The following PRSS23 variants were observed in gnomAD, a reference collection of about 807,000 sequenced individuals.
The protein encoded by PRSS23 is serine protease 23.
In PRSS23, 25 loss-of-function variants were observed where a neutral mutation model predicts 34.7. The ratio of observed to expected loss-of-function variants is 0.72; its 90% CI spans 0.53 to 1.01. PRSS23 has a LOEUF of 1.01. Among genes scored for constraint, PRSS23 ranks in the 50% least tolerant of loss-of-function variants. PRSS23 has a pLI of 0.00. For synonymous variants in PRSS23, 176 were observed against 186.6 expected (o/e 0.94, Z 0.46); for missense variants, 445 against 475.6 (o/e 0.94, Z 0.60).
At chr11:86,877,359 T>C (rs982151364) in intron 2 of PRSS23, among the ~76,000 whole-genome samples, 2 of 152,234 alleles carry the variant, frequency 1.3e-5, no homozygotes, top group South Asian at 4.1e-4. Flanking sequence ...CCTTTTCTTC[T>C]TACACGGTTC....
At chr11:86,826,972 T>TG (rs1403678579) in intron 2 of PRSS23, among the ~76,000 whole-genome samples, 3 of 152,172 alleles carry the variant, frequency 2.0e-5, no homozygotes, top group Non-Finnish European at 4.4e-5. Flanking sequence ...GTTGTGTCTC[T>TG]GCCCAGCTTT....
chr11:86,910,282 T>C (rs1326045374), intron 2 of PRSS23: 1 of 152,194 alleles, frequency 6.6e-6, no homozygotes, highest in Non-Finnish European at 1.5e-5. Context: ...AGATGATAGA[T>C]GCTGGAAGAT....
chr11:86,826,600 G>T (rs1005278727), intron 2 of PRSS23, among the ~76,000 whole-genome samples: 3 of 152,168 alleles, frequency 2.0e-5, no homozygotes, highest in African/African-American at 7.2e-5. Context: ...TCCAATTTCT[G>T]CCCATTCAGT....
rs1488175466 is a variant in PRSS23 at position 86,809,618 on chromosome 11, A to G, written c.*823A>G. 6.0e-6 allele frequency: 1 copy of G among 167,040 alleles called. No individual in the cohort carries two copies. Among genetic ancestry groups the G allele is most frequent in the Non-Finnish European group, 1.5e-5 (1 of 68,114 alleles). 10.3% of individuals were successfully genotyped at this position (167,040 alleles called of 1,614,324 possible). On this transcript the variant is annotated 3_prime_UTR_variant, in exon 2 of 2. Coordinates refer to ENST00000280258, the MANE Select transcript of PRSS23 (RefSeq NM_007173.6). ...ACTAGCTATTTTTCAGAAGACAATA[A>G]TCAGGGCTTAATTAGAACAGGCTGT...
chr11:86,819,413 G>A (rs1338690520), intron 1 of PRSS23, among the ~76,000 whole-genome samples: 1 of 152,046 alleles, frequency 6.6e-6, no homozygotes, highest in African/African-American at 2.4e-5. Context: ...CACCTACACT[G>A]CTATATATAA....
At chr11:86,876,121 G>A (rs553684597) in intron 2 of PRSS23, among the ~76,000 whole-genome samples, 73 of 152,260 alleles carry the variant, frequency 4.8e-4, no homozygotes, top group African/African-American at 1.3e-3. Context: ...GAAAGACTGA[G>A]TGTGAGAATT....
At position 86,929,335 on chromosome 11, in the gene PRSS23, C is replaced by CA. The variant is rs1190134043; in HGVS notation, c.207-21870dup. Among the ~76,000 whole-genome samples, 1,214 of 133,042 alleles carry CA rather than the reference C, an allele frequency of 9.1e-3. 10 individuals are homozygous for CA. Among genetic ancestry groups the CA allele is most frequent in the Non-Finnish European group, 0.014 (844 of 61,564 alleles). 87.3% of individuals were successfully genotyped at this position (133,042 alleles called of 152,430 possible). A position where few individuals can be genotyped will look rare whatever the true frequency, so the allele number is the denominator to read the frequency against. ...GAAACTCCGTCTCAAAAAAAAAAAA[C>CA]AAAAAAAAAAACCCCACAAACTCAA... On this transcript the variant is annotated intron_variant, in intron 2 of 2. Transcript: ENST00000533902.
downstream of PRSS23, among the ~76,000 whole-genome samples, chr11:86,812,575 G>T (rs1463300186): frequency 6.6e-6 from 1 of 151,648 alleles, no homozygotes; most frequent in African/African-American, 2.4e-5. Flanking sequence ...ATCACTTGAG[G>T]TGAGGAGCTC....
At chr11:86,792,590 AG>A (rs1311361703) in intron 1 of PRSS23, among the ~76,000 whole-genome samples, 1 of 152,248 alleles carries the variant, frequency 6.6e-6, no homozygotes, top group Non-Finnish European at 1.5e-5. Context: ...ATTCAACAGT[AG>A]GGGAGGAGAA....
intron 2 of PRSS23, among the ~76,000 whole-genome samples, chr11:86,867,042 G>A (rs1245953665): frequency 2.6e-5 from 4 of 152,280 alleles, no homozygotes; most frequent in East Asian, 1.9e-4. Context: ...GTCACCCATT[G>A]TGCCCTAGAG....
In PRSS23 at chr11:86,877,393, G is replaced by A. The variant is rs947522846; in HGVS notation, c.206+53800G>A. On this transcript the variant is annotated intron_variant, in intron 2 of 2. Transcript: ENST00000533902. Reference sequence around the variant, plus strand: ...TCCCGTTCTTCTGATCCCCTTCTCCGTACATGTCTCAAAAGCTCTTATTCT... The same window carrying A: ...TCCCGTTCTTCTGATCCCCTTCTCCATACATGTCTCAAAAGCTCTTATTCT... 4.6e-5 allele frequency among the ~76,000 whole-genome samples: 7 copies of A among 152,100 alleles called. No individual in the cohort carries two copies. In the East Asian group the frequency reaches 5.8e-4, roughly 13 times the overall value.
At chr11:86,818,203 T>A (rs535377100) in intron 1 of PRSS23, among the ~76,000 whole-genome samples, 25 of 152,364 alleles carry the variant, frequency 1.6e-4, no homozygotes, top group African/African-American at 5.8e-4. Flanking sequence ...CTAAAAACTT[T>A]GTATCATCAG....
chr11:86,800,367 C>A (rs992664743), upstream of PRSS23: 13 of 850,840 alleles, frequency 1.5e-5, no homozygotes, highest in African/African-American at 1.6e-4. Context: ...GCCCTCTGGG[C>A]TGCTCCACCC....
chr11:86,896,467 C>T (rs985150831), intron 2 of PRSS23: 1 of 152,164 alleles, frequency 6.6e-6, no homozygotes, highest in Non-Finnish European at 1.5e-5. Flanking sequence ...TCACGATCCA[C>T]CAAATAGTTT....
At chr11:86,880,255 A>T (rs56900640) in intron 2 of PRSS23, among the ~76,000 whole-genome samples, 1 of 148,528 alleles carries the variant, frequency 6.7e-6, no homozygotes, top group Non-Finnish European at 1.5e-5. Flanking sequence ...CAGCATGCTC[A>T]TTAAGAGTCA....
intron 2 of PRSS23, chr11:86,940,968 G>C (rs1000170107): frequency 6.6e-6 from 1 of 152,168 alleles, no homozygotes; most frequent in African/African-American, 2.4e-5. Flanking sequence ...ATCAACATAG[G>C]CCTAGAAAAG....
intron 2 of PRSS23, among the ~76,000 whole-genome samples, chr11:86,860,566 C>T (rs1480936275): frequency 6.6e-6 from 1 of 151,850 alleles, no homozygotes; most frequent in Non-Finnish European, 1.5e-5. Context: ...GATGACATTA[C>T]ATTCAATATC....
intron 2 of PRSS23, among the ~76,000 whole-genome samples, chr11:86,861,950 G>T (rs1948618621): frequency 6.6e-6 from 1 of 151,888 alleles, no homozygotes; most frequent in South Asian, 2.1e-4. Flanking sequence ...ATCAGAGGGG[G>T]TGTCCACCCA....
chr11:86,857,982 G>A (rs987906861), intron 2 of PRSS23: 17 of 334,692 alleles, frequency 5.1e-5, no homozygotes, highest in African/African-American at 3.7e-4. Flanking sequence ...ACGCCTTCTG[G>A]GATATTGTTC....
Sources: allele counts gnomAD v4.1 joint callset (sites outside exome capture counted in the v4.1 genomes callset), GRCh38; gene constraint gnomAD v4.1.1; transcripts MANE v1.5; gene names NCBI Gene and HGNC (gene_info 2026-07-23, HGNC 2026-07-21).